HBS1L: variants seen among roughly 807,000 people sequenced by gnomAD.
HBS1L encodes HBS1-like protein.
In HBS1L, 55 loss-of-function variants were observed where a neutral mutation model predicts 88.9. That is an observed-to-expected ratio of 0.62 (90% CI 0.50 to 0.77). HBS1L has a LOEUF of 0.77. HBS1L is among the 30% of genes least tolerant of loss of function. The pLI is 0.00. For missense variants in HBS1L, 741 were observed against 829.3 expected, an observed-to-expected ratio of 0.89 and a Z score of 1.31; for synonymous variants, 267 against 288.5, an observed-to-expected ratio of 0.93 and a Z score of 0.76.
intron 4 of HBS1L, among the ~76,000 whole-genome samples, chr6:135,030,496 G>A (rs1392102879): frequency 2.6e-5 from 4 of 152,166 alleles, no homozygotes; most frequent in African/African-American, 7.2e-5. Flanking sequence ...AAACAGAAAT[G>A]AGTTCATAAA....
In HBS1L at chr6:134,968,318, C is replaced by T. The variant is rs569382680; in HGVS notation, c.1898+920G>A. On this transcript the variant is annotated intron_variant, in intron 16 of 17. Coordinates refer to ENST00000367837, the MANE Select transcript of HBS1L (RefSeq NM_006620.4). Reference sequence around the variant, plus strand: ...GGCTGGAGTACAGTGGTGCGATCACCGCTCACTGCAACCTCCGCCCACCGG... The same window carrying T: ...GGCTGGAGTACAGTGGTGCGATCACTGCTCACTGCAACCTCCGCCCACCGG... 2.4e-4 allele frequency among the ~76,000 whole-genome samples: 36 copies of T among 151,702 alleles called. No homozygotes were observed. The East Asian group carries it at 4.7e-3, about 20-fold the overall frequency.
intron 8 of HBS1L, among the ~76,000 whole-genome samples, chr6:134,993,539 AT>A (rs1775205140): frequency 6.6e-6 from 1 of 152,188 alleles, no homozygotes; most frequent in Non-Finnish European, 1.5e-5. Flanking sequence ...GCTTTTATAC[AT>A]TTTGTTTCTT....
In HBS1L at chr6:134,985,348, A is replaced by C. The variant is rs1774947822; in HGVS notation, c.1485T>G (p.Val495=). Residue 495 remains valine (V), a synonymous_variant, in exon 12 of 18, where the codon GTT becomes GTG. Transcript: ENST00000367837. Reference sequence around the variant, plus strand: ...TACAAAGGTAGCACTTACCTTTGAAAACATCGGACACACATAATCTAAAAG... The same window carrying C: ...TACAAAGGTAGCACTTACCTTTGAACACATCGGACACACATAATCTAAAAG... ...DKPFRLCVSD[V]FKDQGSGFCI... 6.2e-7 allele frequency: 1 copy of C among 1,603,684 alleles called. No individual in the cohort carries two copies. The highest frequency in any genetic ancestry group is 1.1e-5 in the South Asian group (1 of 89,604).
At chr6:134,993,244 T>C (rs1441677196) in intron 8 of HBS1L, among the ~76,000 whole-genome samples, 6 of 152,172 alleles carry the variant, frequency 3.9e-5, no homozygotes, top group Non-Finnish European at 7.4e-5. Flanking sequence ...GATGTATGAA[T>C]GCAAATTATA....
chr6:134,973,215 G>A (rs1774541896), intron 15 of HBS1L, among the ~76,000 whole-genome samples: 1 of 152,152 alleles, frequency 6.6e-6, no homozygotes. Context: ...ACAGATAAAT[G>A]GATTTTTAAA....
At chr6:135,054,122 G>C (rs910900077) in intron 1 of HBS1L, among the ~76,000 whole-genome samples, 4 of 152,168 alleles carry the variant, frequency 2.6e-5, no homozygotes, top group Non-Finnish European at 2.9e-5. Flanking sequence ...TTTGAAATTC[G>C]TTGAAAAATA....
chr6:135,004,113 G>A (rs1288296780), intron 4 of HBS1L, among the ~76,000 whole-genome samples: 1 of 152,018 alleles, frequency 6.6e-6, no homozygotes, highest in Non-Finnish European at 1.5e-5. Flanking sequence ...TATAAGAAAA[G>A]ATAAGTTAAT....
At chr6:134,983,809 C>T (rs1774900570) in intron 12 of HBS1L, among the ~76,000 whole-genome samples, 2 of 152,080 alleles carry the variant, frequency 1.3e-5, no homozygotes, top group African/African-American at 4.8e-5. Context: ...GGCAGCAGAA[C>T]ACTGTTTAAA....
intron 15 of HBS1L, among the ~76,000 whole-genome samples, chr6:134,976,503 C>G (rs1389808753): frequency 1.3e-5 from 2 of 152,090 alleles, no homozygotes; most frequent in Admixed American, 1.3e-4. Context: ...GTGGAACCAA[C>G]CTAAGTGCCC....
intron 8 of HBS1L, among the ~76,000 whole-genome samples, chr6:134,989,666 T>C (rs1040706830): frequency 3.8e-4 from 58 of 152,196 alleles, no homozygotes; most frequent in African/African-American, 1.2e-3. Context: ...ACCATACACT[T>C]TGGTGGGATA....
intron 5 of HBS1L, 26 bp downstream of exon 5, chr6:135,002,708 G>T: frequency 1.7e-6 from 2 of 1,158,724 alleles, no homozygotes; most frequent in Non-Finnish European, 2.4e-6. Context: ...TGGGGGTGGG[G>T]ATGAGGGAGG....
chr6:134,974,292 T>C (rs139012545), intron 15 of HBS1L, among the ~76,000 whole-genome samples: 111 of 151,660 alleles, frequency 7.3e-4, no homozygotes, highest in Non-Finnish European at 1.4e-3. Context: ...ACAAAAAAGC[T>C]CAGGGCCAGA....
chr6:135,036,320 T>C, intron 4 of HBS1L: 2 of 1,094,796 alleles, frequency 1.8e-6, no homozygotes. Flanking sequence ...CAAGTTTCCA[T>C]ATCCACTTTG....
chr6:135,008,560 C>T lies in HBS1L; in HGVS notation c.431-5718G>A, dbSNP rs370640684. Among the ~76,000 whole-genome samples the T allele has an allele frequency of 4.6e-5, 7 of 152,204 alleles. No individual in the cohort carries two copies. In the East Asian group the frequency reaches 1.4e-3, roughly 29 times the overall value. On this transcript the variant is annotated intron_variant, in intron 4 of 17. Coordinates refer to ENST00000367837, the MANE Select transcript of HBS1L (RefSeq NM_006620.4). ...CCAGGGCTCTCCTGGTTCCTTCCTG[C>T]GGCTAAGATCTAAATAGATTCTAGG...
chr6:134,992,658 G>T (rs962704366), intron 8 of HBS1L, among the ~76,000 whole-genome samples: 9 of 151,860 alleles, frequency 5.9e-5, no homozygotes, highest in Admixed American at 5.3e-4. Flanking sequence ...TATACAGAAA[G>T]AAAATATTTT....
At chr6:134,967,518 C>A (rs771818858) in intron 16 of HBS1L, among the ~76,000 whole-genome samples, 2 of 152,066 alleles carry the variant, frequency 1.3e-5, no homozygotes, top group Non-Finnish European at 2.9e-5. Flanking sequence ...AGGGAAAGGC[C>A]AAACGGTTGT....
intron 12 of HBS1L, 98 bp downstream of exon 12, chr6:134,985,243 A>C (rs1293031113): frequency 1.6e-6 from 1 of 615,426 alleles, no homozygotes; most frequent in Admixed American, 2.9e-5. Context: ...AGAGACTCTG[A>C]AGGCAATATA....
chr6:135,023,713 T>C (rs1029433122), intron 4 of HBS1L, among the ~76,000 whole-genome samples: 13 of 152,166 alleles, frequency 8.5e-5, no homozygotes, highest in Admixed American at 2.6e-4. Flanking sequence ...CCAGTATAGG[T>C]AGACCACTAT....
intron 16 of HBS1L, among the ~76,000 whole-genome samples, chr6:134,966,902 G>A (rs1774331493): frequency 6.8e-6 from 1 of 147,384 alleles, no homozygotes; most frequent in African/African-American, 2.7e-5. Flanking sequence ...GTCTTTCCTA[G>A]TAAAACTGTA....
Sources: allele counts gnomAD v4.1 joint callset (sites outside exome capture counted in the v4.1 genomes callset), GRCh38; gene constraint gnomAD v4.1.1; transcripts MANE v1.5; gene names NCBI Gene and HGNC (gene_info 2026-07-23, HGNC 2026-07-21).